The following MROH6 variants were observed in gnomAD, a reference collection of about 807,000 sequenced individuals.
MROH6 encodes the protein maestro heat like repeat family member 6.
MROH6 carries 62 observed loss-of-function variants against 67.7 expected under a neutral mutation model. That is an observed-to-expected ratio of 0.92 (90% CI 0.75 to 1.13). The LOEUF (loss-of-function observed/expected upper bound fraction) is 1.13, where lower values mean the gene tolerates loss of function less well. Ranked by LOEUF, MROH6 falls within the 50% of genes most tolerant of loss-of-function variation. MROH6 has a pLI of 0.00. For missense variants in MROH6, 1,175 were observed against 1,029.1 expected (o/e 1.14, Z -1.94); for synonymous variants, 566 against 470.8 (o/e 1.20, Z -2.62).
chr8:143,571,011 G>A lies in MROH6; in HGVS notation c.603-17C>T. The A allele has an allele frequency of 1.9e-6, 3 of 1,546,896 alleles. No individual in the cohort carries two copies. The highest frequency in any genetic ancestry group is 2.3e-4 in the Middle Eastern group (1 of 4,402). ...GCTGCTACCCTGAGGGTTTGGAGGG[G>A]GCTGGTGTGAGACAAGAGATGGGTG... is the stretch of plus-strand genomic sequence containing the variant. On this transcript the variant is annotated splice_polypyrimidine_tract_variant and intron_variant, in intron 3 of 13. Transcript: ENST00000398882.
At position 143,569,826 on chromosome 8, in the gene MROH6, C is replaced by A; in HGVS notation, c.1173G>T (p.Arg391=). The part of the protein sequence containing the change: ...MAFFTGLLQS[R]PTARLLREEV... The stretch of plus-strand genomic sequence containing the variant: ...CCTCCCGCAGGAGCCGTGCGGTGGG[C>A]CGGCTCTGCAACAGCTAGGCGAGGC... Residue 391 remains arginine, a synonymous_variant, in exon 8 of 14, where the codon CGG becomes CGT. Transcript: ENST00000398882. 1 of 1,610,884 alleles carries A rather than the reference C, an allele frequency of 6.2e-7. No individual in the cohort carries two copies. Among genetic ancestry groups the A allele is most frequent in the Non-Finnish European group, 8.5e-7 (1 of 1,178,978 alleles).
rs13268196 is a variant in MROH6, at chr8:143,567,431, A to G, written c.1968T>C (p.Ala656=). The G allele has an allele frequency of 0.99, 1,314,351 of 1,327,450 alleles. 651,658 individuals are homozygous for G. Among genetic ancestry groups the G allele is most frequent in the East Asian group, 1 (32,759 of 32,760 alleles). The allele number at this position is 1,327,450 out of a possible 1,614,324, so 82.2% of individuals were successfully genotyped here. A position where few individuals can be genotyped will look rare whatever the true frequency, so the allele number is the denominator to read the frequency against. ...LGRLQSDPKP[A]VAAAAHVSAQ... ...CGGACACGTGCGCTGCCGCGGCCAC[A>G]GCCGGCTTGGGGTCGCTCTGCAGTC... The change falls in exon 14 of 14, where the codon GCT becomes GCC. Residue 656 remains alanine, a synonymous_variant. Transcript: ENST00000398882.
chr8:143,568,880 G>T (rs2130619334), intron 9 of MROH6, 161 bp from the exon 10 acceptor site: 1 of 573,122 alleles, frequency 1.7e-6, no homozygotes, highest in African/African-American at 2.0e-5. Flanking sequence ...GACCTGGTTG[G>T]GAAGCCTGGA....
chr8:143,571,450 G>A (rs1246082511), intron 3 of MROH6, among the ~76,000 whole-genome samples: 2 of 152,212 alleles, frequency 1.3e-5, no homozygotes, highest in Admixed American at 1.3e-4. Flanking sequence ...CAAGAGAGGA[G>A]CCCAGCATCA....
chr8:143,567,690 G>T lies in MROH6; in HGVS notation c.1868-14C>A. 1 of 1,579,506 alleles carries T rather than the reference G, an allele frequency of 6.3e-7. No homozygotes were observed. On this transcript the variant is annotated splice_polypyrimidine_tract_variant and intron_variant, in intron 12 of 13. Transcript: ENST00000398882. ...GGACAAGGAAGCCTGGACCACAGCA[G>T]ATGCATGAGTGCAGGCCCCACAGCC...
In MROH6 at chr8:143,566,420, G is replaced by A. The variant is rs1038467713; in HGVS notation, c.*819C>T. The A allele has an allele frequency of 1.3e-5, 2 of 152,280 alleles. No individual in the cohort carries two copies. Among genetic ancestry groups the A allele is most frequent in the Non-Finnish European group, 1.5e-5 (1 of 68,068 alleles). The allele number at this position is 152,280 out of a possible 1,614,324, so 9.4% of individuals were successfully genotyped here. Reference sequence around the variant, plus strand: ...TCCAGGCAGGCATCCTAGGTGCAGGGACCTGCCGCCCAAAGCCAGAGAGGT... The same window carrying A: ...TCCAGGCAGGCATCCTAGGTGCAGGAACCTGCCGCCCAAAGCCAGAGAGGT... On this transcript the variant is annotated 3_prime_UTR_variant, in exon 14 of 14. Coordinates refer to ENST00000398882, the MANE Select transcript of MROH6 (RefSeq NM_001100878.2).
chr8:143,568,683 G>A lies in MROH6; in HGVS notation c.1513C>T (p.Leu505Phe). 1 of 1,517,190 alleles carries A rather than the reference G, an allele frequency of 6.6e-7. No individual in the cohort carries two copies. Among genetic ancestry groups the A allele is most frequent in the Non-Finnish European group, 8.8e-7 (1 of 1,137,548 alleles). The allele number at this position is 1,517,190 out of a possible 1,614,324, so 94.0% of individuals were successfully genotyped here. Residue 505 changes from leucine to phenylalanine, a missense_variant, in exon 10 of 14, where the codon CTT becomes TTT. Transcript: ENST00000398882. Reference sequence around the variant, plus strand: ...CGGCCCCGGCGCACCAGAGTCCCAAGGAGCCCGACGGCCGAGGCGCGGATT... The same window carrying A: ...CGGCCCCGGCGCACCAGAGTCCCAAAGAGCCCGACGGCCGAGGCGCGGATT... ...DSIRASAVGL[L>F]GTLVRRGRGG...
rs1210001022 is a variant in MROH6, at chr8:143,572,251, G to A, written c.295-66C>T. ...CTCCTAGCTCTCCTCCTGGTCCCTC[G>A]GCCTCCCACCTGGCTTCCTACAAAA... On this transcript the variant is annotated intron_variant, in intron 1 of 13. Coordinates refer to ENST00000398882, the MANE Select transcript of MROH6 (RefSeq NM_001100878.2). The A allele has an allele frequency of 8.2e-6, 13 of 1,580,494 alleles. No individual in the cohort carries two copies. In the East Asian group the frequency reaches 9.0e-5, roughly 11 times the overall value.
rs776166679 is a variant in MROH6, at chr8:143,568,628, G to A, written c.1568C>T (p.Pro523Leu). 2 of 1,538,508 alleles carry A rather than the reference G, an allele frequency of 1.3e-6. No homozygotes were observed. The highest frequency in any genetic ancestry group is 1.4e-5 in the African/African-American group (1 of 73,202). ...ACTCTGCAGCACCAGCTTCCGCAGG[G>A]GGCCGCGGAGCCCCAGCCGGAGCCC... ...RGGLRLGLRGPLRKLVLQSLV... is the reference protein window; with the variant it reads ...RGGLRLGLRGLLRKLVLQSLV... Residue 523 changes from proline to leucine, a missense_variant, in exon 10 of 14, where the codon CCC becomes CTC. By Grantham distance (98) the Pro-to-Leu change is moderately conservative. Transcript: ENST00000398882.
In MROH6 at chr8:143,568,660, G is replaced by A; in HGVS notation, c.1536C>T (p.Gly512=). 2 of 1,531,826 alleles carry A rather than the reference G, an allele frequency of 1.3e-6. No individual in the cohort carries two copies. Among genetic ancestry groups the A allele is most frequent in the Non-Finnish European group, 1.7e-6 (2 of 1,144,176 alleles). The allele number at this position is 1,531,826 out of a possible 1,614,324, so 94.9% of individuals were successfully genotyped here. The stretch of plus-strand genomic sequence containing the variant: ...GGAGCCCCAGCCGGAGCCCGCCCCG[G>A]CCCCGGCGCACCAGAGTCCCAAGGA... The part of the protein sequence containing the change: ...VGLLGTLVRR[G]RGGLRLGLRG... The change falls in exon 10 of 14, where the codon GGC becomes GGT. Residue 512 remains glycine, a synonymous_variant. Transcript: ENST00000398882.
chr8:143,567,753 T>G (rs1311261615), intron 12 of MROH6, 33 bp downstream of exon 12: 1 of 1,569,932 alleles, frequency 6.4e-7, no homozygotes, highest in Non-Finnish European at 8.7e-7. Context: ...AAAGCCCCGG[T>G]GCCAGGGGCA....
rs1260803916 is a variant in MROH6 at position 143,572,599 on chromosome 8, G to A, written c.116C>T (p.Pro39Leu). Residue 39 changes from proline to leucine, a missense_variant, in exon 1 of 14, where the codon CCT becomes CTT. Physicochemically the swap from Pro to Leu is moderately conservative, Grantham distance 98. Transcript: ENST00000398882. ...RARQGQPQGP[P>L]SAGPQPKSWE... ...GGACTTGGGCTGAGGGCCTGCGGAA[G>A]GGGGTCCCTGGGGCTGCCCCTGCCT... 6.3e-7 allele frequency: 1 copy of A among 1,597,742 alleles called. No homozygotes were observed.
chr8:143,569,396 G>A (rs766592772), intron 9 of MROH6, 45 bp downstream of exon 9: 2 of 1,363,916 alleles, frequency 1.5e-6, no homozygotes, highest in East Asian at 3.1e-5. Flanking sequence ...GGCGGGGGCG[G>A]TGACAGCGGC....
Position 143,570,585 on chromosome 8 carries a change from G to A in MROH6, c.793C>T (p.Leu265=). Reference sequence around the variant, plus strand: ...AGCTGTGTGACCAGCGCAAGCAGCAGATGTGGGTAGAAGCCCCTCGTGGCT... The same window carrying A: ...AGCTGTGTGACCAGCGCAAGCAGCAAATGTGGGTAGAAGCCCCTCGTGGCT... ...VGATRGFYPH[L]LLALVTQLHK... is the part of the protein sequence containing the mutation. Residue 265 remains leucine (L), a synonymous_variant, in exon 5 of 14, where the codon CTG becomes TTG. Transcript: ENST00000398882. 3 of 1,606,086 alleles carry A rather than the reference G, an allele frequency of 1.9e-6. No individual in the cohort carries two copies. Among genetic ancestry groups the A allele is most frequent in the East Asian group, 2.2e-5 (1 of 44,882 alleles).
At chr8:143,571,090 C>T (rs1824008940) in intron 3 of MROH6, 96 bp from the exon 4 acceptor site, 1 of 951,378 alleles carries the variant, frequency 1.1e-6, no homozygotes, top group Non-Finnish European at 1.6e-6. Flanking sequence ...GCCAGTAGGA[C>T]TCCAGCAGGG....
At chr8:143,569,647 C>A (rs1222115950) in intron 8 of MROH6, 33 bp from the exon 9 acceptor site, 3 of 1,595,430 alleles carry the variant, frequency 1.9e-6, no homozygotes, top group Non-Finnish European at 2.6e-6. Context: ...TCTTGCAGAC[C>A]TCGCCGCGAC....
At chr8:143,572,279 C>T in intron 1 of MROH6, 94 bp from the exon 2 acceptor site, 4 of 1,550,824 alleles carry the variant, frequency 2.6e-6, no homozygotes, top group Non-Finnish European at 2.6e-6. Context: ...CTACAAAATC[C>T]CTTGCTCCTC....
At chr8:143,571,982 G>A in intron 2 of MROH6, 51 bp downstream of exon 2, 2 of 1,568,408 alleles carry the variant, frequency 1.3e-6, no homozygotes, top group Non-Finnish European at 1.7e-6. Flanking sequence ...CCACCACCTT[G>A]GTGCCCGAAC....
At position 143,568,151 on chromosome 8, in the gene MROH6, G is replaced by A; in HGVS notation, c.1755C>T (p.Cys585=). Residue 585 remains cysteine, a synonymous_variant, in exon 11 of 14, where the codon TGC becomes TGT. Coordinates refer to ENST00000398882, the MANE Select transcript of MROH6 (RefSeq NM_001100878.2). ...YDSPEALSHL[C]CRLVQRYPGH... ...TGCTTCCCCTACTGACCAGGCGGCA[G>A]CAGAGGTGGCTCAGGGCCTCGGGGC... The A allele has an allele frequency of 1.9e-6, 3 of 1,607,178 alleles. No homozygotes were observed. The highest frequency in any genetic ancestry group is 2.5e-6 in the Non-Finnish European group (3 of 1,177,448).
Sources: allele counts gnomAD v4.1 joint callset (sites outside exome capture counted in the v4.1 genomes callset), GRCh38; gene constraint gnomAD v4.1.1; transcripts MANE v1.5; gene names NCBI Gene and HGNC (gene_info 2026-07-23, HGNC 2026-07-21).